MAPK10: variants seen among roughly 807,000 people sequenced by gnomAD.
The protein encoded by MAPK10 is mitogen-activated protein kinase 10, also known as JNK3 alpha protein kinase.
Under a neutral mutation model 59.3 loss-of-function variants are expected in MAPK10, and 25 were observed. The observed-to-expected ratio is 0.42, with a 90% CI of 0.31 to 0.59. The LOEUF is 0.59. MAPK10 is among the 20% of genes least tolerant of loss of function. MAPK10 has a pLI of 0.15. For synonymous variants in MAPK10, 190 were observed against 200.5 expected, an observed-to-expected ratio of 0.95 and a Z score of 0.44; for missense variants, 351 against 568.9, an observed-to-expected ratio of 0.62 and a Z score of 3.90.
intron 2 of MAPK10, among the ~76,000 whole-genome samples, chr4:86,249,363 T>C (rs1014128401): frequency 2.0e-5 from 3 of 152,198 alleles, no homozygotes; most frequent in Admixed American, 1.3e-4. Flanking sequence ...ACAAGGCGGT[T>C]GCTGTAATTC....
At chr4:86,580,356 G>A (rs963641068) in intron 1 of MAPK10, among the ~76,000 whole-genome samples, 4 of 151,838 alleles carry the variant, frequency 2.6e-5, no homozygotes, top group African/African-American at 4.8e-5. Flanking sequence ...AAAATTAGCC[G>A]GGCATGGTGG....
chr4:86,136,078 T>C (rs1471939606), intron 4 of MAPK10, among the ~76,000 whole-genome samples: 1 of 152,094 alleles, frequency 6.6e-6, no homozygotes, highest in Non-Finnish European at 1.5e-5. Context: ...CTGAAAGTGA[T>C]GGGGAGAATG....
chr4:86,471,601 A>T (rs1230949078), intron 1 of MAPK10, among the ~76,000 whole-genome samples: 2 of 152,212 alleles, frequency 1.3e-5, no homozygotes, highest in African/African-American at 2.4e-5. Flanking sequence ...AATATAAAAC[A>T]TTTACCATGT....
chr4:86,502,969 A>G (rs1454249650), intron 1 of MAPK10, among the ~76,000 whole-genome samples: 5 of 152,096 alleles, frequency 3.3e-5, no homozygotes, highest in Non-Finnish European at 7.4e-5. Context: ...TCTAGGAAGA[A>G]GGGTGGGATC....
At position 86,041,678 on chromosome 4, in the gene MAPK10, T is replaced by C. The variant is rs190112808; in HGVS notation, c.1111-10247A>G. Among the ~76,000 whole-genome samples the C allele has an allele frequency of 9.2e-4, 140 of 152,232 alleles. 2 individuals are homozygous for C. Among genetic ancestry groups the C allele is most frequent in the Admixed American group, 6.7e-3 (103 of 15,298 alleles). On this transcript the variant is annotated intron_variant, in intron 11 of 13. Transcript: ENST00000641462. ...GGCGAAGGACATGAACAGACACTTCTCAAAAGAAGACATTTATGTGGCCAA... is the reference window on the plus strand; with the variant it reads ...GGCGAAGGACATGAACAGACACTTCCCAAAAGAAGACATTTATGTGGCCAA...
intron 1 of MAPK10, among the ~76,000 whole-genome samples, chr4:86,497,344 G>T (rs970332021): frequency 6.6e-6 from 1 of 152,142 alleles, no homozygotes; most frequent in Non-Finnish European, 1.5e-5. Context: ...GAACTATGCG[G>T]GCATGCACTG....
Position 86,103,184 on chromosome 4 carries a change from A to G in MAPK10, c.425+2T>C. Reference sequence around the variant, plus strand: ...CCTTCCTTCATGAGTTTTGTTACTTACACATCTTGGAACTCCTCCAGCGTT... The same window carrying G: ...CCTTCCTTCATGAGTTTTGTTACTTGCACATCTTGGAACTCCTCCAGCGTT... On this transcript the variant is annotated splice_donor_variant, in intron 6 of 13. Coordinates refer to ENST00000641462, the MANE Select transcript of MAPK10 (RefSeq NM_138982.4). LOFTEE classifies it high-confidence loss of function. 2 of 1,609,414 alleles carry G rather than the reference A, an allele frequency of 1.2e-6. No homozygotes were observed. The highest frequency in any genetic ancestry group is 1.7e-6 in the Non-Finnish European group (2 of 1,176,618).
In MAPK10 at chr4:86,532,750, C is replaced by T. The variant is rs115392346; in HGVS notation, c.-263+61160G>A. Among the ~76,000 whole-genome samples, 1,335 of 152,266 alleles carry T rather than the reference C, an allele frequency of 8.8e-3. 31 individuals are homozygous for T. The highest frequency in any genetic ancestry group is 0.031 in the African/African-American group (1,284 of 41,534). ...ACTTTTCTGAATCTCCAATGACCTCCATAAGCACTACTACTCTTGGGCCCA... is the reference window on the plus strand; with the variant it reads ...ACTTTTCTGAATCTCCAATGACCTCTATAAGCACTACTACTCTTGGGCCCA... On this transcript the variant is annotated intron_variant, in intron 1 of 4. Transcript: ENST00000502302.
intron 3 of MAPK10, among the ~76,000 whole-genome samples, chr4:86,169,431 A>G (rs1297475220): frequency 6.6e-6 from 1 of 152,258 alleles, no homozygotes. Flanking sequence ...AAGCCTCAGG[A>G]GCCGATGCGA....
At chr4:86,169,062 G>T (rs1425064477) in intron 3 of MAPK10, among the ~76,000 whole-genome samples, 2 of 152,016 alleles carry the variant, frequency 1.3e-5, no homozygotes, top group Non-Finnish European at 2.9e-5. Flanking sequence ...AAACCCATCT[G>T]TACATCACCA....
Position 86,385,187 on chromosome 4 carries a change from ATAAT to A in MAPK10, c.-121-30547_-121-30544del, listed in dbSNP as rs976907503. Among the ~76,000 whole-genome samples, 11 of 152,170 alleles carry A rather than the reference ATAAT, an allele frequency of 7.2e-5. No homozygotes were observed. In the East Asian group the frequency reaches 9.6e-4, roughly 13 times the overall value. On this transcript the variant is annotated intron_variant, in intron 1 of 13. Coordinates refer to the MAPK10 transcript ENST00000361569. The stretch of plus-strand genomic sequence containing the variant: ...ATAAATTTCAATGAAAATAAAATAA[ATAAT>A]TAATAAATAATAATATTGCCAATTT...
chr4:86,023,510 A>C (rs1748461951), intron 13 of MAPK10, among the ~76,000 whole-genome samples: 1 of 152,140 alleles, frequency 6.6e-6, no homozygotes, highest in South Asian at 2.1e-4. Context: ...TAATCTGTAC[A>C]TCAATTCGGG....
chr4:86,241,689 G>T (rs1295569746), intron 2 of MAPK10, among the ~76,000 whole-genome samples: 2 of 152,044 alleles, frequency 1.3e-5, no homozygotes, highest in Non-Finnish European at 2.9e-5. Context: ...GGTTGTTTAT[G>T]TTCCCCTCTA....
At chr4:86,064,600 G>T in intron 10 of MAPK10, 1 of 554,648 alleles carries the variant, frequency 1.8e-6, no homozygotes, top group Non-Finnish European at 3.2e-6. Context: ...CTCTCCAAGG[G>T]TTGTAACACT....
rs1251474551 is a variant in MAPK10, at chr4:86,103,073, C to CTTTGTG, written c.425+112_425+113insCACAAA. The CTTTGTG allele has an allele frequency of 1.3e-3, 389 of 303,430 alleles. 1 individual carries two copies. In the East Asian group the frequency reaches 0.025, roughly 19 times the overall value. 18.8% of individuals were successfully genotyped at this position (303,430 alleles called of 1,614,324 possible). On this transcript the variant is annotated intron_variant, in intron 6 of 13. Coordinates refer to ENST00000641462, the MANE Select transcript of MAPK10 (RefSeq NM_138982.4). ...CTTTGAGCAGTATAAGGGATTTCAA[C>CTTTGTG]TCTGTGTGTGTGTGTGTGTGTGTGT...
intron 11 of MAPK10, among the ~76,000 whole-genome samples, chr4:86,056,810 G>C (rs1468224284): frequency 6.7e-6 from 1 of 149,266 alleles, no homozygotes; most frequent in Non-Finnish European, 1.5e-5. Context: ...TAAATAGAAA[G>C]ATTTAATTTA....
chr4:86,421,122 T>C (rs1352060861), intron 1 of MAPK10, among the ~76,000 whole-genome samples: 1 of 152,076 alleles, frequency 6.6e-6, no homozygotes, highest in Non-Finnish European at 1.5e-5. Flanking sequence ...AAGTCTACTT[T>C]TGAATGACAT....
intron 9 of MAPK10, chr4:86,090,898 C>A (rs2052992595): frequency 6.6e-6 from 1 of 152,074 alleles, no homozygotes; most frequent in Non-Finnish European, 1.5e-5. Flanking sequence ...ACATCTATTT[C>A]TATTTCTCAT....
intron 11 of MAPK10, among the ~76,000 whole-genome samples, chr4:86,039,598 G>A (rs1328771421): frequency 6.6e-6 from 1 of 152,138 alleles, no homozygotes; most frequent in East Asian, 1.9e-4. Flanking sequence ...TACCTTAGCA[G>A]CCCAGCCTCT....
Sources: allele counts gnomAD v4.1 joint callset (sites outside exome capture counted in the v4.1 genomes callset), GRCh38; gene constraint gnomAD v4.1.1; transcripts MANE v1.5; gene names NCBI Gene and HGNC (gene_info 2026-07-23, HGNC 2026-07-21).